SAMD5: variants seen among roughly 807,000 people sequenced by gnomAD.
SAMD5 encodes sterile alpha motif domain containing 5, also known as sterile alpha motif domain-containing protein 5.
A neutral mutation model predicts 11.3 loss-of-function variants in SAMD5; 13 were observed. The observed-to-expected ratio is 1.15, with a 90% CI of 0.75 to 1.83. The LOEUF (loss-of-function observed/expected upper bound fraction) is 1.83, where lower values mean the gene tolerates loss of function less well. SAMD5 is among the 40% of genes most tolerant of loss of function. The pLI, the probability that SAMD5 is intolerant of heterozygous loss-of-function variation, is 0.00. For synonymous variants in SAMD5, 129 were observed against 111.3 expected (o/e 1.16, Z -1.00); for missense variants, 255 against 239.1 (o/e 1.07, Z -0.44).
chr6:147,870,210 C>T, the SAMD5 span, among the ~76,000 whole-genome samples: 2 of 152,002 alleles, frequency 1.3e-5, no homozygotes, highest in Admixed American at 1.3e-4. Flanking sequence ...AGCAAGGTAA[C>T]ACATACAAAC....
downstream of SAMD5, among the ~76,000 whole-genome samples, chr6:147,738,034 G>A (rs1031880233): frequency 1.6e-4 from 25 of 152,118 alleles, no homozygotes; most frequent in African/African-American, 6.0e-4. Flanking sequence ...TCACCACTCA[G>A]AGACCAAAAA....
At chr6:147,527,582 A>G (rs1294791708) in intron 1 of SAMD5, among the ~76,000 whole-genome samples, 1 of 151,702 alleles carries the variant, frequency 6.6e-6, no homozygotes, top group East Asian at 1.9e-4. Context: ...TTGGCCCCTG[A>G]CCCCTCCCCA....
chr6:147,530,363 C>T (rs74976041), intron 1 of SAMD5, among the ~76,000 whole-genome samples: 1,736 of 152,338 alleles, frequency 0.011, 20 homozygotes, highest in African/African-American at 0.03. Flanking sequence ...CAAGATTTAC[C>T]TCGGAAGAGC....
chr6:147,877,889 A>ACACAC, the SAMD5 span, among the ~76,000 whole-genome samples: 2 of 76,786 alleles, frequency 2.6e-5, no homozygotes, highest in African/African-American at 8.3e-5. Flanking sequence ...CACGATAGAT[A>ACACAC]GATAGCTAGA....
At position 147,657,733 on chromosome 6, in the gene SAMD5, T is replaced by G. The variant is rs141150076; in HGVS notation, c.163-79584T>G. Among the ~76,000 whole-genome samples the G allele has an allele frequency of 6.2e-3, 937 of 152,310 alleles. 14 individuals are homozygous for G. The highest frequency in any genetic ancestry group is 0.021 in the African/African-American group (885 of 41,564). ...TAGACGGTGCCTTCTCGCTCCGCCC[T>G]CACATGGTAGAAGGGGCATGGAAGC... is the stretch of plus-strand genomic sequence containing the variant. On this transcript the variant is annotated intron_variant, in intron 1 of 1. Transcript: ENST00000566741.
At chr6:147,793,344 T>C in the SAMD5 span, among the ~76,000 whole-genome samples, 2 of 152,120 alleles carry the variant, frequency 1.3e-5, no homozygotes. Flanking sequence ...TCAAGGTCAT[T>C]ATAAGCAAGG....
At chr6:147,616,325 T>C (rs565614003) in intron 1 of SAMD5, among the ~76,000 whole-genome samples, 4 of 148,464 alleles carry the variant, frequency 2.7e-5, no homozygotes, top group African/African-American at 9.9e-5. Context: ...TCATATATAC[T>C]TCATATATAT....
the SAMD5 span, among the ~76,000 whole-genome samples, chr6:147,881,123 C>T: frequency 4.6e-5 from 7 of 152,146 alleles, no homozygotes; most frequent in Non-Finnish European, 7.3e-5. Context: ...CTATCTCAAC[C>T]CAGCAGTGGC....
At chr6:147,932,588 T>TTGTGTGTGTG in the SAMD5 span, among the ~76,000 whole-genome samples, 1 of 131,090 alleles carries the variant, frequency 7.6e-6, no homozygotes, top group Admixed American at 7.9e-5. Flanking sequence ...TCTTACAGAA[T>TTGTGTGTGTG]TGTGTGTGTG....
the SAMD5 span, among the ~76,000 whole-genome samples, chr6:147,913,410 T>C: frequency 4.6e-5 from 7 of 152,140 alleles, no homozygotes; most frequent in South Asian, 1.0e-3. Flanking sequence ...AAATATGAAA[T>C]GGGGGCTGGG....
At chr6:147,514,162 G>A (rs1788130144) in intron 1 of SAMD5, among the ~76,000 whole-genome samples, 1 of 152,088 alleles carries the variant, frequency 6.6e-6, no homozygotes, top group Admixed American at 6.5e-5. Context: ...TGGAGGAGGT[G>A]CGAGGGAATT....
At chr6:147,604,097 ATGTTT>A (rs1457844147) in intron 1 of SAMD5, among the ~76,000 whole-genome samples, 3 of 152,196 alleles carry the variant, frequency 2.0e-5, no homozygotes, top group African/African-American at 7.2e-5. Context: ...TGATAAAATA[ATGTTT>A]TGTTTCTAAC....
rs549411147 is a variant in SAMD5 at position 147,709,877 on chromosome 6, A to G, written c.163-27440A>G. 3.9e-4 allele frequency among the ~76,000 whole-genome samples: 59 copies of G among 152,206 alleles called. No homozygotes were observed. In the East Asian group the frequency reaches 8.9e-3, roughly 23 times the overall value. On this transcript the variant is annotated intron_variant, in intron 1 of 1. Coordinates refer to the SAMD5 transcript ENST00000566741. ...TTGTGGCCTCGCTATCTTAACTGCT[A>G]TACCTCCTCCACCATACTTCTAAAG...
intron 1 of SAMD5, among the ~76,000 whole-genome samples, chr6:147,534,687 TG>T (rs1192593123): frequency 6.6e-6 from 1 of 152,176 alleles, no homozygotes; most frequent in Non-Finnish European, 1.5e-5. Context: ...CAAGATCAGA[TG>T]AGCCAGTTGA....
chr6:147,744,669 G>A, the SAMD5 span, among the ~76,000 whole-genome samples: 3,508 of 152,206 alleles, frequency 0.023, 69 homozygotes, highest in Middle Eastern at 0.048. Context: ...AGGCCAAGGC[G>A]GGCGGATCAC....
the SAMD5 span, among the ~76,000 whole-genome samples, chr6:147,816,301 A>AAAAAATATAAATATATATATAT: frequency 1.5e-5 from 1 of 66,362 alleles, no homozygotes; most frequent in Admixed American, 2.0e-4. Flanking sequence ...AAAAAAAAAA[A>AAAAAATATAAATATATATATAT]ATATATATAT....
At chr6:147,843,667 T>A in the SAMD5 span, among the ~76,000 whole-genome samples, 1 of 151,732 alleles carries the variant, frequency 6.6e-6, no homozygotes, top group South Asian at 2.1e-4. Context: ...TGAAATAGGA[T>A]AAAGAATCTA....
chr6:147,948,841 G>T, the SAMD5 span, among the ~76,000 whole-genome samples: 5 of 152,114 alleles, frequency 3.3e-5, no homozygotes, highest in Admixed American at 6.5e-5. Flanking sequence ...GTCCCCAGAG[G>T]TCAACTAAAC....
the SAMD5 span, among the ~76,000 whole-genome samples, chr6:147,863,963 C>A: frequency 6.6e-6 from 1 of 151,392 alleles, no homozygotes; most frequent in East Asian, 1.9e-4. Context: ...CCTGCCTCAG[C>A]GTCCCGAGTA....
Sources: allele counts gnomAD v4.1 joint callset (sites outside exome capture counted in the v4.1 genomes callset), GRCh38; gene constraint gnomAD v4.1.1; transcripts MANE v1.5; gene names NCBI Gene and HGNC (gene_info 2026-07-23, HGNC 2026-07-21).